The following RSRC1 variants were observed in gnomAD, a reference collection of about 807,000 sequenced individuals.
The protein encoded by RSRC1 is serine/Arginine-related protein 53.
Under a neutral mutation model 49.1 loss-of-function variants are expected in RSRC1, and 39 were observed. The observed-to-expected ratio is 0.79, with a 90% CI of 0.61 to 1.04. The LOEUF is 1.04. RSRC1 is among the 50% of genes least tolerant of loss of function. The probability of loss-of-function intolerance (pLI) is 0.00; values close to 1 mark genes in which losing one functional copy is unlikely to be tolerated. For missense variants in RSRC1, 388 were observed against 402.4 expected, an observed-to-expected ratio of 0.96 and a Z score of 0.31; for synonymous variants, 143 against 130.8, an observed-to-expected ratio of 1.09 and a Z score of -0.63.
intron 7 of RSRC1, among the ~76,000 whole-genome samples, chr3:158,510,234 G>A (rs1740082348): frequency 6.6e-6 from 1 of 151,866 alleles, no homozygotes; most frequent in African/African-American, 2.4e-5. Flanking sequence ...TGTATGTATT[G>A]GTCATTGGTA....
chr3:158,525,787 A>G (rs1199795291), intron 7 of RSRC1, among the ~76,000 whole-genome samples: 1 of 151,990 alleles, frequency 6.6e-6, no homozygotes, highest in Admixed American at 6.6e-5. Flanking sequence ...GAAAGACATC[A>G]GATATAAAAG....
intron 6 of RSRC1, among the ~76,000 whole-genome samples, chr3:158,401,026 T>G (rs1733871624): frequency 6.6e-6 from 1 of 152,052 alleles, no homozygotes; most frequent in African/African-American, 2.4e-5. Context: ...ATACTAAACA[T>G]TTTGTTACAA....
intron 7 of RSRC1, among the ~76,000 whole-genome samples, chr3:158,472,921 C>T (rs963561874): frequency 6.6e-6 from 1 of 152,162 alleles, no homozygotes; most frequent in Admixed American, 6.5e-5. Context: ...CTTGCCCATG[C>T]ATCACTGGCC....
At chr3:158,284,585 C>G (rs544898973) in intron 4 of RSRC1, among the ~76,000 whole-genome samples, 3,263 of 144,466 alleles carry the variant, frequency 0.023, 117 homozygotes, top group African/African-American at 0.082. Flanking sequence ...GATTGCCATT[C>G]TAACTGGTGT....
chr3:158,269,995 AG>A, intron 4 of RSRC1, among the ~76,000 whole-genome samples: 1 of 152,188 alleles, frequency 6.6e-6, no homozygotes, highest in East Asian at 1.9e-4. Flanking sequence ...CCTGTAAGTT[AG>A]AAGCTGTATT....
intron 6 of RSRC1, among the ~76,000 whole-genome samples, chr3:158,426,811 T>C (rs551269403): frequency 6.6e-6 from 1 of 151,766 alleles, no homozygotes; most frequent in African/African-American, 2.4e-5. Flanking sequence ...TCTAAAAAAA[T>C]TGTGTTTAAA....
At chr3:158,492,331 A>G (rs1739119145) in intron 7 of RSRC1, among the ~76,000 whole-genome samples, 1 of 152,224 alleles carries the variant, frequency 6.6e-6, no homozygotes, top group African/African-American at 2.4e-5. Context: ...TATATATTTA[A>G]TCTGAGCTTT....
rs373530353 is a variant in RSRC1, at chr3:158,328,309, T to G, written c.532-26548T>G. On this transcript the variant is annotated intron_variant, in intron 5 of 9. Transcript: ENST00000611884. ...GCTGCTTATTTTGCTGATTAGTTGA[T>G]GCAGTTTCTTCCTAGCATCGATGGT... 2.0e-5 allele frequency among the ~76,000 whole-genome samples: 3 copies of G among 152,346 alleles called. No homozygotes were observed. The South Asian group carries it at 6.2e-4, about 32-fold the overall frequency.
chr3:158,296,095 A>G (rs942286360), intron 4 of RSRC1, among the ~76,000 whole-genome samples: 2 of 152,154 alleles, frequency 1.3e-5, no homozygotes, highest in African/African-American at 4.8e-5. Context: ...TATTTCAGAT[A>G]ATAAAGTATG....
rs1385907681 is a variant in RSRC1, at chr3:158,298,021, TTTACTC to T, written c.495-15_495-10del. 25 of 1,582,532 alleles carry T rather than the reference TTTACTC, an allele frequency of 1.6e-5. No individual in the cohort carries two copies. The highest frequency in any genetic ancestry group is 2.0e-5 in the Non-Finnish European group (23 of 1,152,574). Reference sequence around the variant, plus strand: ...AAGGATTTAGCAACTATTTAGAACTTTTACTCTTCTATTTTAGGGAATCTGGAAACA... The same window carrying T: ...AAGGATTTAGCAACTATTTAGAACTTTTCTATTTTAGGGAATCTGGAAACA... On this transcript the variant is annotated splice_polypyrimidine_tract_variant and intron_variant, in intron 4 of 9. Coordinates refer to ENST00000611884, the MANE Select transcript of RSRC1 (RefSeq NM_001271838.2).
At chr3:158,113,089 A>G (rs762302940) in intron 1 of RSRC1, among the ~76,000 whole-genome samples, 27 of 151,418 alleles carry the variant, frequency 1.8e-4, no homozygotes, top group Non-Finnish European at 3.4e-4. Context: ...ATTGTGAATA[A>G]TGCTGCAGTG....
chr3:158,361,448 C>T (rs1273355208), intron 6 of RSRC1, among the ~76,000 whole-genome samples: 3 of 152,104 alleles, frequency 2.0e-5, no homozygotes, highest in South Asian at 2.1e-4. Context: ...GCAGCACAGC[C>T]GGCTGCCTTG....
intron 4 of RSRC1, among the ~76,000 whole-genome samples, chr3:158,223,153 T>C (rs1722318209): frequency 6.6e-6 from 1 of 151,670 alleles, no homozygotes; most frequent in Admixed American, 6.6e-5. Flanking sequence ...TCATCTTTGA[T>C]CTTCCTCGTA....
At chr3:158,442,771 T>G (rs943062037) in intron 6 of RSRC1, among the ~76,000 whole-genome samples, 1 of 152,088 alleles carries the variant, frequency 6.6e-6, no homozygotes, top group Non-Finnish European at 1.5e-5. Flanking sequence ...GTTTAAGAAA[T>G]ACATTTTATA....
chr3:158,435,343 C>G (rs1735989282), intron 6 of RSRC1, among the ~76,000 whole-genome samples: 1 of 151,478 alleles, frequency 6.6e-6, no homozygotes, highest in African/African-American at 2.4e-5. Context: ...ATACTATTGT[C>G]AGTGTCATTG....
At chr3:158,359,588 C>T (rs777516311) in intron 6 of RSRC1, among the ~76,000 whole-genome samples, 8 of 152,110 alleles carry the variant, frequency 5.3e-5, no homozygotes, top group South Asian at 2.1e-4. Flanking sequence ...CAGCTGGCAC[C>T]GGGAACACGG....
intron 6 of RSRC1, among the ~76,000 whole-genome samples, chr3:158,406,631 A>G (rs1464987752): frequency 2.0e-5 from 3 of 152,102 alleles, no homozygotes; most frequent in African/African-American, 7.2e-5. Context: ...ATAATATTAT[A>G]TTTAATTAGA....
At chr3:158,247,882 C>T (rs1723994312) in intron 4 of RSRC1, among the ~76,000 whole-genome samples, 1 of 152,186 alleles carries the variant, frequency 6.6e-6, no homozygotes, top group South Asian at 2.1e-4. Flanking sequence ...GCCATCGCCC[C>T]ACCCTGCTTT....
intron 6 of RSRC1, among the ~76,000 whole-genome samples, chr3:158,390,347 A>G (rs1164362131): frequency 6.6e-6 from 1 of 152,190 alleles, no homozygotes; most frequent in Non-Finnish European, 1.5e-5. Context: ...AGACCTGGCC[A>G]GGGCCCAATC....
Sources: allele counts gnomAD v4.1 joint callset (sites outside exome capture counted in the v4.1 genomes callset), GRCh38; gene constraint gnomAD v4.1.1; transcripts MANE v1.5; gene names NCBI Gene and HGNC (gene_info 2026-07-23, HGNC 2026-07-21).